MSI2: variants seen among roughly 807,000 people sequenced by gnomAD.
MSI2 encodes the protein musashi RNA binding protein 2, also known as RNA-binding protein Musashi homolog 2.
In MSI2, 17 loss-of-function variants were observed where a neutral mutation model predicts 45.6. The observed-to-expected ratio is 0.37, with a 90% CI of 0.26 to 0.56. MSI2 has a LOEUF of 0.56. MSI2 is among the 20% of genes least tolerant of loss of function. MSI2 has a pLI of 0.77. For missense variants in MSI2, 293 were observed against 444.2 expected, an observed-to-expected ratio of 0.66 and a Z score of 3.06; for synonymous variants, 156 against 158.2, an observed-to-expected ratio of 0.99 and a Z score of 0.11.
At chr17:57,390,977 C>T (rs945703281) in intron 5 of MSI2, among the ~76,000 whole-genome samples, 1 of 152,210 alleles carries the variant, frequency 6.6e-6, no homozygotes, top group African/African-American at 2.4e-5. Flanking sequence ...TGGCTATTTA[C>T]TTCTGTTTAC....
chr17:57,330,653 G>A (rs527627518), intron 5 of MSI2, among the ~76,000 whole-genome samples: 61 of 152,206 alleles, frequency 4.0e-4, no homozygotes, highest in East Asian at 2.3e-3. Context: ...TCTCTCAGGC[G>A]TTCCGCATCC....
chr17:57,577,326 C>G (rs865904041), intron 7 of MSI2, among the ~76,000 whole-genome samples: 1 of 152,144 alleles, frequency 6.6e-6, no homozygotes, highest in Non-Finnish European at 1.5e-5. Flanking sequence ...TATTCAGAGA[C>G]TAGAATTGAT....
chr17:57,349,283 G>T (rs185078915), intron 5 of MSI2, among the ~76,000 whole-genome samples: 3 of 152,266 alleles, frequency 2.0e-5, no homozygotes, highest in Non-Finnish European at 4.4e-5. Context: ...GATTTTCAGT[G>T]TGTGTCTCCG....
At chr17:57,266,978 G>A (rs933669846) in intron 5 of MSI2, 2 of 152,344 alleles carry the variant, frequency 1.3e-5, no homozygotes, top group South Asian at 2.1e-4. Flanking sequence ...ATCCAGATGG[G>A]TGCAATGGCA....
intron 10 of MSI2, among the ~76,000 whole-genome samples, chr17:57,640,794 G>A (rs150101914): frequency 1.7e-3 from 254 of 152,306 alleles, no homozygotes; most frequent in Non-Finnish European, 3.2e-3. Context: ...TTATAGCAAG[G>A]ACTCACTGAG....
chr17:57,381,518 CT>C (rs1421889409), intron 5 of MSI2, among the ~76,000 whole-genome samples: 5 of 152,174 alleles, frequency 3.3e-5, no homozygotes, highest in East Asian at 1.9e-4. Flanking sequence ...ATTGTTCCCC[CT>C]GGTCCTTCTT....
chr17:57,262,478 T>G (rs1478717540), intron 5 of MSI2: 3 of 354,112 alleles, frequency 8.5e-6, no homozygotes, highest in African/African-American at 6.3e-5. Flanking sequence ...TTCTATTTGT[T>G]TTTTAAGCAT....
rs1217488761 is a variant in MSI2, at chr17:57,593,641, G to A, written c.455-3227G>A. ...TTGCAAAAGCTCTTTTTCCAAATAA[G>A]GTCACATTCATAAATTCCAGGGATT... On this transcript the variant is annotated intron_variant, in intron 7 of 13. Coordinates refer to ENST00000284073, the MANE Select transcript of MSI2 (RefSeq NM_138962.4). Among the ~76,000 whole-genome samples, 3 of 150,582 alleles carry A rather than the reference G, an allele frequency of 2.0e-5. No individual in the cohort carries two copies. In the East Asian group the frequency reaches 6.0e-4, roughly 30 times the overall value.
At chr17:57,441,881 T>A (rs2084806153) in intron 6 of MSI2, among the ~76,000 whole-genome samples, 1 of 152,160 alleles carries the variant, frequency 6.6e-6, no homozygotes, top group Admixed American at 6.5e-5. Flanking sequence ...TCATTATTAT[T>A]TCACTATTTA....
intron 5 of MSI2, chr17:57,265,678 G>A (rs1272102004): frequency 6.6e-6 from 1 of 152,110 alleles, no homozygotes; most frequent in African/African-American, 2.4e-5. Context: ...AATTAGTGAG[G>A]TATATTTTGA....
chr17:57,515,505 T>C (rs1003926098), intron 6 of MSI2, among the ~76,000 whole-genome samples: 1 of 152,168 alleles, frequency 6.6e-6, no homozygotes, highest in Non-Finnish European at 1.5e-5. Flanking sequence ...GCACCTGGCC[T>C]TATCTGAATT....
chr17:57,643,412 G>A (rs1413905976), intron 10 of MSI2, among the ~76,000 whole-genome samples: 2 of 152,240 alleles, frequency 1.3e-5, no homozygotes, highest in Non-Finnish European at 2.9e-5. Flanking sequence ...GAAGGGCCCC[G>A]CTGTGGGCAG....
chr17:57,483,647 A>T (rs913150440), intron 6 of MSI2, among the ~76,000 whole-genome samples: 1 of 152,204 alleles, frequency 6.6e-6, no homozygotes, highest in Non-Finnish European at 1.5e-5. Flanking sequence ...GCCTCTGAGG[A>T]GGGATCTGGG....
intron 5 of MSI2, among the ~76,000 whole-genome samples, chr17:57,388,006 G>A (rs1364979206): frequency 6.6e-6 from 1 of 152,218 alleles, no homozygotes; most frequent in East Asian, 1.9e-4. Flanking sequence ...GGATCGGGTT[G>A]CCTGAGTTTG....
chr17:57,331,975 T>A (rs1914312487), intron 5 of MSI2, among the ~76,000 whole-genome samples: 1 of 152,190 alleles, frequency 6.6e-6, no homozygotes. Context: ...CACCTCATTG[T>A]GGTCTCTTAA....
At chr17:57,549,055 T>C (rs746470031) in intron 7 of MSI2, among the ~76,000 whole-genome samples, 6 of 152,208 alleles carry the variant, frequency 3.9e-5, no homozygotes, top group Non-Finnish European at 7.3e-5. Context: ...TGTTTGTTTT[T>C]TAAAAGGCTT....
chr17:57,476,717 T>C (rs750254741), intron 6 of MSI2, among the ~76,000 whole-genome samples: 1 of 152,186 alleles, frequency 6.6e-6, no homozygotes, highest in Admixed American at 6.5e-5. Context: ...ACTTTGGATA[T>C]ATTACCTCAT....
At chr17:57,335,940 A>G (rs923974937) in intron 5 of MSI2, among the ~76,000 whole-genome samples, 20 of 152,150 alleles carry the variant, frequency 1.3e-4, no homozygotes, top group African/African-American at 4.8e-4. Flanking sequence ...ATCCTGTAAG[A>G]CTCTCATAAG....
intron 5 of MSI2, among the ~76,000 whole-genome samples, chr17:57,394,711 G>C (rs2083857577): frequency 6.6e-6 from 1 of 152,234 alleles, no homozygotes; most frequent in Non-Finnish European, 1.5e-5. Context: ...ATTTAAAGCA[G>C]AGATGTCCTC....
Sources: gnomAD v4.1 joint callset for allele counts (sites outside exome capture counted in the v4.1 genomes callset) on GRCh38, gnomAD v4.1.1 for gene constraint, MANE v1.5 for transcripts, NCBI Gene and HGNC (gene_info 2026-07-23, HGNC 2026-07-21) for gene names.